The following ELAPOR1 variants were observed in gnomAD, a reference collection of about 807,000 sequenced individuals.
ELAPOR1 encodes endosome-lysosome associated apoptosis and autophagy regulator 1, also known as endosome/lysosome-associated apoptosis and autophagy regulator 1.
In ELAPOR1, 77 loss-of-function variants were observed where a neutral mutation model predicts 119.7. The ratio of observed to expected loss-of-function variants is 0.64; its 90% CI spans 0.54 to 0.78. ELAPOR1 has a LOEUF of 0.78. ELAPOR1 is among the 30% of genes least tolerant of loss of function. The probability of loss-of-function intolerance (pLI) is 0.00; values close to 1 mark genes in which losing one functional copy is unlikely to be tolerated. For synonymous variants in ELAPOR1, 481 were observed against 487.2 expected, an observed-to-expected ratio of 0.99 and a Z score of 0.17; for missense variants, 1,115 against 1,270.4, an observed-to-expected ratio of 0.88 and a Z score of 1.86.
intron 9 of ELAPOR1, among the ~76,000 whole-genome samples, chr1:109,188,789 T>A (rs915563652): frequency 2.6e-5 from 4 of 152,192 alleles, no homozygotes; most frequent in African/African-American, 4.8e-5. Flanking sequence ...ACTATATGTA[T>A]CAGACTAGAA....
intron 4 of ELAPOR1, 129 bp downstream of exon 4, chr1:109,172,142 T>C (rs1651965641): frequency 3.3e-6 from 4 of 1,199,400 alleles, no homozygotes; most frequent in Non-Finnish European, 4.8e-6. Context: ...TGGAGAGAGC[T>C]GTGGGCAAAA....
At chr1:109,198,354 G>A (rs750056995) in intron 17 of ELAPOR1, among the ~76,000 whole-genome samples, 6 of 152,228 alleles carry the variant, frequency 3.9e-5, no homozygotes, top group African/African-American at 1.4e-4. Flanking sequence ...TGCTAGCCAT[G>A]ACTTTCCTAA....
intron 21 of ELAPOR1, among the ~76,000 whole-genome samples, chr1:109,202,279 ATT>A (rs1227159194): frequency 1.4e-5 from 2 of 143,630 alleles, no homozygotes. Context: ...CACCTGGCTA[ATT>A]TTTTTTTTTT....
Position 109,188,268 on chromosome 1 carries a change from A to G in ELAPOR1, c.1133A>G (p.His378Arg). The G allele has an allele frequency of 6.2e-7, 1 of 1,614,154 alleles. No homozygotes were observed. Among genetic ancestry groups the G allele is most frequent in the Middle Eastern group, 1.6e-4 (1 of 6,062 alleles). Residue 378 changes from histidine to arginine, a missense_variant, in exon 9 of 22, where the codon CAC (histidine) becomes CGC (arginine). Coordinates refer to ENST00000369939, the MANE Select transcript of ELAPOR1 (RefSeq NM_020775.5). ...VKLPASGVKT[H>R]CPPCNPGFFK... The stretch of plus-strand genomic sequence containing the variant: ...CTGCCTGCCTCTGGTGTGAAGACCC[A>G]CTGCCCACCCTGCAACCCAGGCTTC...
At chr1:109,133,691 T>A (rs1341674721) in intron 1 of ELAPOR1, among the ~76,000 whole-genome samples, 1 of 152,200 alleles carries the variant, frequency 6.6e-6, no homozygotes, top group East Asian at 1.9e-4. Flanking sequence ...TGTCTCAAAT[T>A]GGAATAGCAG....
intron 7 of ELAPOR1, among the ~76,000 whole-genome samples, chr1:109,181,301 AG>A (rs946982805): frequency 6.6e-5 from 10 of 152,172 alleles, no homozygotes; most frequent in Non-Finnish European, 1.2e-4. Flanking sequence ...GAGGAGTTGG[AG>A]CCCCTGAGAT....
intron 1 of ELAPOR1, among the ~76,000 whole-genome samples, chr1:109,118,115 GAAACTCCGTCTCAAA>G (rs1467362896): frequency 2.7e-5 from 4 of 149,718 alleles, no homozygotes; most frequent in Non-Finnish European, 5.9e-5. Context: ...CGACAAGAAT[GAAACTCCGTCTCAAA>G]AAAAAAAAGA....
chr1:109,184,352 C>T (rs1652923468), intron 7 of ELAPOR1, among the ~76,000 whole-genome samples: 1 of 152,060 alleles, frequency 6.6e-6, no homozygotes. Flanking sequence ...GCCTGGGCAA[C>T]AAGAGTGAAA....
intron 1 of ELAPOR1, among the ~76,000 whole-genome samples, chr1:109,118,800 C>T (rs1163482450): frequency 1.3e-5 from 2 of 152,114 alleles, no homozygotes; most frequent in African/African-American, 4.8e-5. Flanking sequence ...CTGGGATCAG[C>T]CCCTGTAGTC....
chr1:109,166,285 T>C (rs1212192919), intron 3 of ELAPOR1, among the ~76,000 whole-genome samples: 1 of 152,102 alleles, frequency 6.6e-6, no homozygotes. Flanking sequence ...ACTCCTGACC[T>C]CAGGTGATCC....
intron 1 of ELAPOR1, among the ~76,000 whole-genome samples, chr1:109,147,706 G>A (rs2101012517): frequency 6.6e-6 from 1 of 151,968 alleles, no homozygotes; most frequent in Non-Finnish European, 1.5e-5. Flanking sequence ...TGAATTTGTG[G>A]GGAGATATGG....
intron 1 of ELAPOR1, among the ~76,000 whole-genome samples, chr1:109,118,045 T>C (rs1326497235): frequency 6.6e-6 from 1 of 151,978 alleles, no homozygotes; most frequent in African/African-American, 2.4e-5. Flanking sequence ...GAGAATCACT[T>C]GAACCTGGGA....
chr1:109,198,034 C>T lies in ELAPOR1; in HGVS notation c.2358C>T (p.His786=), dbSNP rs1260237679. ...TCACCTCCCCAGCTGAACTTTTCCA[C>T]CTGGAGTCCTTGGGAATACCGGACG... is the stretch of plus-strand genomic sequence containing the variant. ...DGITSPAELF[H]LESLGIPDVI... is the part of the protein sequence containing the mutation. Residue 786 remains histidine (H), a synonymous_variant, in exon 17 of 22, where the codon CAC becomes CAT. Coordinates refer to ENST00000369939, the MANE Select transcript of ELAPOR1 (RefSeq NM_020775.5). 2 of 1,614,084 alleles carry T rather than the reference C, an allele frequency of 1.2e-6. No homozygotes were observed. Among genetic ancestry groups the T allele is most frequent in the South Asian group, 1.1e-5 (1 of 91,084 alleles).
At position 109,173,853 on chromosome 1, in the gene ELAPOR1, G is replaced by T; in HGVS notation, c.952+16G>T. On this transcript the variant is annotated intron_variant, in intron 7 of 21. Coordinates refer to ENST00000369939, the MANE Select transcript of ELAPOR1 (RefSeq NM_020775.5). Reference sequence around the variant, plus strand: ...AAATACTCAGGTGATGTTTCTGAGGGTGGGAAGAGTTTGGGGATAGAGAGT... The same window carrying T: ...AAATACTCAGGTGATGTTTCTGAGGTTGGGAAGAGTTTGGGGATAGAGAGT... The T allele has an allele frequency of 6.2e-7, 1 of 1,613,100 alleles. No individual in the cohort carries two copies. The highest frequency in any genetic ancestry group is 8.5e-7 in the Non-Finnish European group (1 of 1,179,476).
chr1:109,141,466 T>C (rs554189746), intron 1 of ELAPOR1, among the ~76,000 whole-genome samples: 65 of 151,186 alleles, frequency 4.3e-4, no homozygotes, highest in African/African-American at 1.5e-3. Context: ...TTTCACCGTG[T>C]TAGCCAGGAT....
In ELAPOR1 at chr1:109,120,354, G is replaced by A. The variant is rs187668298; in HGVS notation, c.153+6018G>A. 8.9e-3 allele frequency among the ~76,000 whole-genome samples: 1,351 copies of A among 151,964 alleles called. 22 individuals are homozygous for A. The highest frequency in any genetic ancestry group is 0.048 in the South Asian group (231 of 4,808). On this transcript the variant is annotated intron_variant, in intron 1 of 21. Coordinates refer to ENST00000369939, the MANE Select transcript of ELAPOR1 (RefSeq NM_020775.5). ...AGAGGTTGCAGCAAGCCAAGATCACGCCACTGTACTCCAGCCTGCGTGACA... is the reference window on the plus strand; with the variant it reads ...AGAGGTTGCAGCAAGCCAAGATCACACCACTGTACTCCAGCCTGCGTGACA...
At chr1:109,147,852 C>T (rs1218610875) in intron 1 of ELAPOR1, among the ~76,000 whole-genome samples, 1 of 150,948 alleles carries the variant, frequency 6.6e-6, no homozygotes, top group Non-Finnish European at 1.5e-5. Context: ...TTTTTCGAGG[C>T]GGAGTCTTGC....
In ELAPOR1 at chr1:109,191,469, G is replaced by T. The variant is rs750524562; in HGVS notation, c.1543G>T (p.Val515Leu). ...CSVNCELYFM[V>L]GVNSRTNTPV... ...TGTGAACTGTGAGCTCTACTTCATGGTGGTACGTTTTCCTTTCTTTGCCCG... is the reference window on the plus strand; with the variant it reads ...TGTGAACTGTGAGCTCTACTTCATGTTGGTACGTTTTCCTTTCTTTGCCCG... Residue 515 changes from valine to leucine, a missense_variant and splice_region_variant, in exon 12 of 22, where the codon GTG becomes TTG. Val to Leu is a conservative substitution (Grantham distance 32). Transcript: ENST00000369939. The T allele has an allele frequency of 6.2e-7, 1 of 1,613,426 alleles. No homozygotes were observed. Among genetic ancestry groups the T allele is most frequent in the Non-Finnish European group, 8.5e-7 (1 of 1,179,332 alleles).
In ELAPOR1 at chr1:109,162,122, G is replaced by T; in HGVS notation, c.274+108G>T. Reference sequence around the variant, plus strand: ...TTCCTGGCAGAGCAGCTGCATTAAGGAATCAGATCTTTTCCCCAATTAGTC... The same window carrying T: ...TTCCTGGCAGAGCAGCTGCATTAAGTAATCAGATCTTTTCCCCAATTAGTC... On this transcript the variant is annotated intron_variant, in intron 2 of 21. Transcript: ENST00000369939. The T allele has an allele frequency of 2.3e-6, 3 of 1,278,946 alleles. No individual in the cohort carries two copies. In the Admixed American group the frequency reaches 6.9e-5, roughly 29 times the overall value. 79.2% of individuals were successfully genotyped at this position (1,278,946 alleles called of 1,614,324 possible).
Sources: allele counts gnomAD v4.1 joint callset (sites outside exome capture counted in the v4.1 genomes callset), GRCh38; gene constraint gnomAD v4.1.1; transcripts MANE v1.5; gene names NCBI Gene and HGNC (gene_info 2026-07-23, HGNC 2026-07-21).